Variants in RFC3 observed in about 807,000 individuals in gnomAD.
The protein encoded by RFC3 is replication factor C subunit 3.
In RFC3, 41 loss-of-function variants were observed where a neutral mutation model predicts 45.1. The observed-to-expected ratio is 0.91, with a 90% CI of 0.71 to 1.18. The LOEUF (loss-of-function observed/expected upper bound fraction) is 1.18. Ranked by LOEUF, RFC3 falls within the 50% of genes most tolerant of loss-of-function variation. The probability of loss-of-function intolerance (pLI) is 0.00; values close to 1 mark genes in which losing one functional copy is unlikely to be tolerated. For missense variants in RFC3, 423 were observed against 428.1 expected, an observed-to-expected ratio of 0.99 and a Z score of 0.10; for synonymous variants, 149 against 144.0, an observed-to-expected ratio of 1.03 and a Z score of -0.25.
At chr13:33,953,253 G>A (rs1269172017) in intron 8 of RFC3, among the ~76,000 whole-genome samples, 1 of 150,742 alleles carries the variant, frequency 6.6e-6, no homozygotes, top group Non-Finnish European at 1.5e-5. Context: ...ATTATTAGCG[G>A]TCTAGATCTA....
At chr13:33,850,064 T>C (rs564987153) in intron 8 of RFC3, 2 of 152,340 alleles carry the variant, frequency 1.3e-5, no homozygotes, top group East Asian at 1.9e-4. Flanking sequence ...TTTAAAAATA[T>C]AGAAATACTT....
chr13:33,819,395 A>G (rs1036191782), intron 1 of RFC3, among the ~76,000 whole-genome samples: 9 of 152,176 alleles, frequency 5.9e-5, no homozygotes, highest in African/African-American at 2.2e-4. Context: ...AAATTAATAT[A>G]TGATGCTGAT....
chr13:33,849,118 T>C (rs896651931), intron 8 of RFC3: 1 of 152,404 alleles, frequency 6.6e-6, no homozygotes, highest in Admixed American at 6.5e-5. Context: ...TTCTATGTCA[T>C]GTGTGCTGTG....
chr13:33,900,178 T>C (rs114256014), intron 8 of RFC3, among the ~76,000 whole-genome samples: 1,568 of 151,936 alleles, frequency 0.01, 35 homozygotes, highest in African/African-American at 0.034. Flanking sequence ...CAAAAAGCAA[T>C]TATAAAATGT....
At chr13:33,858,834 T>G (rs2082323237) in intron 8 of RFC3, among the ~76,000 whole-genome samples, 2 of 152,212 alleles carry the variant, frequency 1.3e-5, no homozygotes, top group South Asian at 4.1e-4. Flanking sequence ...TTTCAAAGAT[T>G]AGAGAAAGAA....
At chr13:33,971,345 A>C (rs1235670832), downstream of RFC3, among the ~76,000 whole-genome samples, 1 of 152,238 alleles carries the variant, frequency 6.6e-6, no homozygotes, top group East Asian at 1.9e-4. Context: ...TTGTTTTACA[A>C]ATTAATAGGA....
chr13:33,830,157 A>G (rs1264166771), intron 5 of RFC3, 140 bp downstream of exon 5: 4 of 679,590 alleles, frequency 5.9e-6, no homozygotes, highest in Non-Finnish European at 9.9e-6. Flanking sequence ...TATGTGAACA[A>G]ACCAAAGCGT....
rs556129992 is a variant in RFC3 at position 33,940,920 on chromosome 13, T to C, written c.880-25167T>C. 2.6e-4 allele frequency among the ~76,000 whole-genome samples: 39 copies of C among 152,356 alleles called. 1 individual carries two copies. Among genetic ancestry groups the C allele is most frequent in the African/African-American group, 9.4e-4 (39 of 41,594 alleles). On this transcript the variant is annotated intron_variant, in intron 8 of 8. Transcript: ENST00000434425. ...ACTTTAATTTATATTTATCCACATA[T>C]TTACAACTTTCTGCTGAGACAGCCA...
chr13:33,932,215 G>A (rs775556742), intron 8 of RFC3, among the ~76,000 whole-genome samples: 13 of 151,976 alleles, frequency 8.6e-5, no homozygotes, highest in Non-Finnish European at 1.3e-4. Flanking sequence ...TTTAATTGTC[G>A]TAGCTAAAGA....
chr13:33,928,912 G>T (rs1427077547), intron 8 of RFC3, among the ~76,000 whole-genome samples: 1 of 152,128 alleles, frequency 6.6e-6, no homozygotes, highest in Non-Finnish European at 1.5e-5. Flanking sequence ...AGAAGAATAT[G>T]CCCACCTTTG....
intron 8 of RFC3, among the ~76,000 whole-genome samples, chr13:33,870,671 C>T (rs1003563157): frequency 1.3e-5 from 2 of 152,102 alleles, no homozygotes; most frequent in Non-Finnish European, 2.9e-5. Context: ...ACAGCCGGCC[C>T]ATATGTCTGG....
chr13:33,895,375 A>C (rs2082591252), intron 8 of RFC3, among the ~76,000 whole-genome samples: 1 of 152,180 alleles, frequency 6.6e-6, no homozygotes, highest in Admixed American at 6.5e-5. Context: ...ATGGCCAAAA[A>C]ACATATAAAA....
chr13:33,892,760 A>G (rs2082571449), intron 8 of RFC3, among the ~76,000 whole-genome samples: 1 of 152,178 alleles, frequency 6.6e-6, no homozygotes, highest in African/African-American at 2.4e-5. Context: ...AGACAGCACC[A>G]AGATTATCAC....
downstream of RFC3, among the ~76,000 whole-genome samples, chr13:33,839,872 C>T (rs1430859511): frequency 6.6e-6 from 1 of 152,158 alleles, no homozygotes; most frequent in African/African-American, 2.4e-5. Flanking sequence ...GGACAAAATA[C>T]AGATGGTTTC....
chr13:33,902,673 TC>T (rs1001327768), intron 8 of RFC3, among the ~76,000 whole-genome samples: 1 of 152,020 alleles, frequency 6.6e-6, no homozygotes, highest in Non-Finnish European at 1.5e-5. Context: ...TTGACACTCT[TC>T]CCCGTCCAAG....
chr13:33,922,448 T>C (rs546329124), intron 8 of RFC3, among the ~76,000 whole-genome samples: 50 of 152,248 alleles, frequency 3.3e-4, no homozygotes, highest in Non-Finnish European at 5.0e-4. Flanking sequence ...GGTTGTCATA[T>C]ATCATCATAT....
chr13:33,842,743 T>C (rs2082208984), intron 8 of RFC3, among the ~76,000 whole-genome samples: 1 of 152,208 alleles, frequency 6.6e-6, no homozygotes, highest in Admixed American at 6.5e-5. Flanking sequence ...GGTTGCTTTA[T>C]ATATTTTGTC....
At chr13:33,889,991 G>C (rs2082553504) in intron 8 of RFC3, among the ~76,000 whole-genome samples, 1 of 152,158 alleles carries the variant, frequency 6.6e-6, no homozygotes, top group South Asian at 2.1e-4. Flanking sequence ...GGGATATACT[G>C]GTGGTCAATA....
intron 8 of RFC3, among the ~76,000 whole-genome samples, chr13:33,873,833 C>G (rs372081640): frequency 6.6e-6 from 1 of 152,128 alleles, no homozygotes; most frequent in Non-Finnish European, 1.5e-5. Context: ...TACTTTGAGG[C>G]GGTCAAAGTC....
Sources: allele counts gnomAD v4.1 joint callset (sites outside exome capture counted in the v4.1 genomes callset), GRCh38; gene constraint gnomAD v4.1.1; transcripts MANE v1.5; gene names NCBI Gene and HGNC (gene_info 2026-07-23, HGNC 2026-07-21).